The following MSR1 variants were observed in gnomAD, a reference collection of about 807,000 sequenced individuals.
MSR1 encodes macrophage scavenger receptor 1.
Under a neutral mutation model 47.2 loss-of-function variants are expected in MSR1, and 53 were observed. That is an observed-to-expected ratio of 1.12 (90% CI 0.90 to 1.41). The LOEUF (loss-of-function observed/expected upper bound fraction) is 1.41. MSR1 is among the 40% of genes most tolerant of loss of function. The probability of loss-of-function intolerance (pLI) is 0.00; values close to 1 mark genes in which losing one functional copy is unlikely to be tolerated. For synonymous variants in MSR1, 239 were observed against 185.6 expected (o/e 1.29, Z -2.34); for missense variants, 786 against 546.9 (o/e 1.44, Z -4.36).
At chr8:16,115,809 C>G (rs556327465) in intron 9 of MSR1, among the ~76,000 whole-genome samples, 1 of 151,938 alleles carries the variant, frequency 6.6e-6, no homozygotes. Context: ...AAGAACCTGT[C>G]TCTATAAGAA....
chr8:16,163,147 T>C (rs1205295031), intron 5 of MSR1, among the ~76,000 whole-genome samples: 1 of 151,948 alleles, frequency 6.6e-6, no homozygotes, highest in African/African-American at 2.4e-5. Context: ...TGTTTGGTAA[T>C]TTTGGTAGAG....
chr8:16,177,745 T>G, intron 2 of MSR1, 141 bp downstream of exon 2: 1 of 690,040 alleles, frequency 1.4e-6, no homozygotes, highest in Non-Finnish European at 2.6e-6. Flanking sequence ...TTTTATTCTG[T>G]CTCAAGAATA....
intron 9 of MSR1, among the ~76,000 whole-genome samples, chr8:16,118,266 C>T (rs555598783): frequency 1.7e-3 from 256 of 152,154 alleles, no homozygotes; most frequent in African/African-American, 5.6e-3. Flanking sequence ...AGTCATTTAC[C>T]AGGTGACTAA....
intron 4 of MSR1, 85 bp downstream of exon 4, chr8:16,168,373 C>G: frequency 7.0e-7 from 1 of 1,432,574 alleles, no homozygotes. Flanking sequence ...GGGTTTGCAA[C>G]TTTTGCTTTC....
chr8:16,139,167 C>T (rs765051450), intron 8 of MSR1: 82 of 636,492 alleles, frequency 1.3e-4, no homozygotes, highest in Non-Finnish European at 1.5e-4. Context: ...TTCTTTTTCT[C>T]GAGCATCTCT....
At chr8:16,135,826 T>A (rs948259951) in intron 8 of MSR1, among the ~76,000 whole-genome samples, 1 of 152,124 alleles carries the variant, frequency 6.6e-6, no homozygotes, top group African/African-American at 2.4e-5. Context: ...CCCTCATGAA[T>A]GACTGTGAGG....
chr8:16,157,637 G>C (rs1038933078), intron 5 of MSR1, among the ~76,000 whole-genome samples: 4 of 151,832 alleles, frequency 2.6e-5, no homozygotes, highest in Non-Finnish European at 5.9e-5. Context: ...GTGTCTTTTA[G>C]ATTCATTGGG....
At position 16,156,647 on chromosome 8, in the gene MSR1, G is replaced by A. The variant is rs148539938; in HGVS notation, c.818-1503C>T. Among the ~76,000 whole-genome samples, 208 of 151,808 alleles carry A rather than the reference G, an allele frequency of 1.4e-3. 1 individual carries two copies. Among genetic ancestry groups the A allele is most frequent in the African/African-American group, 4.5e-3 (186 of 41,432 alleles). ...AAAAGCGTGAGGAAGAATATAATTC[G>A]TAGTTGTGTTATTTTAACTAAAGAT... On this transcript the variant is annotated intron_variant, in intron 5 of 9. Coordinates refer to ENST00000262101, the MANE Select transcript of MSR1 (RefSeq NM_138715.3).
At chr8:16,151,708 T>C (rs556500588) in intron 6 of MSR1, among the ~76,000 whole-genome samples, 2 of 152,148 alleles carry the variant, frequency 1.3e-5, no homozygotes, top group African/African-American at 2.4e-5. Flanking sequence ...GAATCCATCA[T>C]TTTAGAGACA....
chr8:16,131,393 T>G (rs1456216378), intron 8 of MSR1, among the ~76,000 whole-genome samples: 1 of 151,680 alleles, frequency 6.6e-6, no homozygotes, highest in Non-Finnish European at 1.5e-5. Flanking sequence ...TGATACATAG[T>G]TTGCAAATAT....
intron 7 of MSR1, among the ~76,000 whole-genome samples, chr8:16,147,611 A>G (rs1405505002): frequency 2.2e-4 from 33 of 152,024 alleles, no homozygotes; most frequent in African/African-American, 2.4e-5. Flanking sequence ...GTTTTTACTT[A>G]TTTCATATTT....
chr8:16,168,654 C>T lies in MSR1; in HGVS notation c.434G>A (p.Ser145Asn), dbSNP rs781513151. Residue 145 changes from serine (S) to asparagine (N), a missense_variant, in exon 4 of 10, where the codon AGC (serine) becomes AAC (asparagine). By Grantham distance (46) the Ser-to-Asn change is conservative. Transcript: ENST00000262101. The part of the protein sequence containing the change: ...LMDTEHFQNF[S>N]MTTDQRFNDI... The stretch of plus-strand genomic sequence containing the variant: ...ATTAAATCTTTGATCAGTTGTCATG[C>T]TGAAATTTTGGAAATGCTCTGTGTC... The T allele has an allele frequency of 6.2e-7, 1 of 1,614,120 alleles. No homozygotes were observed. The highest frequency in any genetic ancestry group is 1.7e-5 in the Admixed American group (1 of 60,018).
chr8:16,155,188 G>A (rs751003213), intron 5 of MSR1, 44 bp from the exon 6 acceptor site: 84 of 1,456,014 alleles, frequency 5.8e-5, no homozygotes, highest in Non-Finnish European at 7.5e-5. Context: ...TAAAGCATAG[G>A]AAAAATGGGT....
At chr8:16,143,657 C>A in intron 7 of MSR1, 46 bp from the exon 8 acceptor site, 1 of 1,470,532 alleles carries the variant, frequency 6.8e-7, no homozygotes, top group Non-Finnish European at 9.5e-7. Context: ...GGGCAATTCA[C>A]AATGTTTGCT....
chr8:16,165,064 T>A lies in MSR1; in HGVS notation c.631-813A>T, dbSNP rs1020619739. On this transcript the variant is annotated intron_variant, in intron 4 of 9. Transcript: ENST00000262101. ...TTCATAGTGTTTTGAGCTGTGCACT[T>A]TTCTACAACTAAACAATGCTGCCAT... Among the ~76,000 whole-genome samples the A allele has an allele frequency of 2.6e-5, 4 of 152,112 alleles. 1 individual carries two copies. The highest frequency in any genetic ancestry group is 4.4e-5 in the Non-Finnish European group (3 of 67,986).
chr8:16,143,745 A>G, intron 7 of MSR1, 134 bp from the exon 8 acceptor site: 1 of 677,532 alleles, frequency 1.5e-6, no homozygotes, highest in South Asian at 1.7e-5. Context: ...ATAACATTGT[A>G]TAATGTTAAC....
At chr8:16,186,332 A>C in intron 1 of MSR1, 10 of 743,254 alleles carry the variant, frequency 1.3e-5, no homozygotes, top group Non-Finnish European at 1.5e-5. Context: ...TGGTGATCTC[A>C]CTAGCCTCAT....
At chr8:16,190,548 A>G (rs1441696869) in intron 1 of MSR1, among the ~76,000 whole-genome samples, 3 of 152,024 alleles carry the variant, frequency 2.0e-5, no homozygotes, top group Non-Finnish European at 4.4e-5. Context: ...TTGGGTTATT[A>G]TCTATTCATA....
chr8:16,117,249 C>T (rs1294184820), intron 9 of MSR1, among the ~76,000 whole-genome samples: 2 of 152,076 alleles, frequency 1.3e-5, no homozygotes, highest in African/African-American at 4.8e-5. Flanking sequence ...GAACACAAAC[C>T]GTATTGTGAA....
Sources: gnomAD v4.1 joint callset for allele counts (sites outside exome capture counted in the v4.1 genomes callset) on GRCh38, gnomAD v4.1.1 for gene constraint, MANE v1.5 for transcripts, NCBI Gene and HGNC (gene_info 2026-07-23, HGNC 2026-07-21) for gene names.